Variants in NEB observed in about 807,000 individuals in gnomAD.
The protein encoded by NEB is nemaline myopathy type 2.
In NEB, 512 loss-of-function variants were observed where a neutral mutation model predicts 952.2. The ratio of observed to expected loss-of-function variants is 0.54; its 90% CI spans 0.50 to 0.58. The LOEUF is 0.58. Ranked by LOEUF, NEB falls within the 20% of genes least tolerant of loss-of-function variation. NEB has a pLI of 0.00. For missense variants in NEB, 8,428 were observed against 9,231.1 expected, an observed-to-expected ratio of 0.91 and a Z score of 3.56; for synonymous variants, 2,900 against 3,149.8, an observed-to-expected ratio of 0.92 and a Z score of 2.66.
At chr2:151,609,413 A>G (rs1179995145) in intron 81 of NEB, among the ~76,000 whole-genome samples, 1 of 152,080 alleles carries the variant, frequency 6.6e-6, no homozygotes, top group African/African-American at 2.4e-5. Flanking sequence ...AATAATATAT[A>G]TAGTAATAAA....
At chr2:151,498,173 A>G (rs2061619297) in intron 170 of NEB, 87 bp downstream of exon 170, 2 of 1,544,232 alleles carry the variant, frequency 1.3e-6, no homozygotes, top group Middle Eastern at 2.0e-4. Context: ...AAGAAGGGAA[A>G]TGGGCTTCAA....
chr2:151,536,064 T>G (rs190169784), intron 141 of NEB, among the ~76,000 whole-genome samples: 1 of 152,260 alleles, frequency 6.6e-6, no homozygotes, highest in Admixed American at 6.5e-5. Flanking sequence ...TACACCACCA[T>G]GCCTGGCTAA....
chr2:151,653,999 G>A lies in NEB; in HGVS notation c.6908C>T (p.Ala2303Val). Reference protein sequence around the residue: ...VQLAKASRDIASDYKYKQGYR... With the variant: ...VQLAKASRDIVSDYKYKQGYR... Reference sequence around the variant, plus strand: ...ACTCAAACTAGTACTCACATCACTAGCAATGTCTCTTGAAGCTTTAGCTAG... The same window carrying A: ...ACTCAAACTAGTACTCACATCACTAACAATGTCTCTTGAAGCTTTAGCTAG... Residue 2303 changes from alanine (A) to valine (V), a missense_variant, in exon 52 of 182, where the codon GCT becomes GTT. Physicochemically the swap from Ala to Val is moderately conservative, Grantham distance 64. This residue lies in a region of NEB where 2,851 missense variants were observed against 2,791.5 expected (regional missense o/e 1.02). Coordinates refer to ENST00000397345, the MANE Select transcript of NEB (RefSeq NM_001164508.2). 1 of 1,608,742 alleles carries A rather than the reference G, an allele frequency of 6.2e-7. No homozygotes were observed. The highest frequency in any genetic ancestry group is 8.5e-7 in the Non-Finnish European group (1 of 1,175,628).
At position 151,619,740 on chromosome 2, in the gene NEB, C is replaced by T. The variant is rs199584268; in HGVS notation, c.10583G>A (p.Arg3528His). ...ASDYKYKEAYRKQLGHHIGAR... is the reference protein window; with the variant it reads ...ASDYKYKEAYHKQLGHHIGAR... ...GCCAATGTGGTGACCCAACTGTTTA[C>T]GATATGCTTCTTTGTATTTGTACTG... The change falls in exon 73 of 182, where the codon CGT (arginine) becomes CAT (histidine). Residue 3528 changes from arginine to histidine, a missense_variant. Physicochemically the swap from Arg to His is conservative, Grantham distance 29 (BLOSUM62 0). Coordinates refer to ENST00000397345, the MANE Select transcript of NEB (RefSeq NM_001164508.2). The T allele has an allele frequency of 8.4e-5, 136 of 1,611,290 alleles. No individual in the cohort carries two copies. The highest frequency in any genetic ancestry group is 6.6e-4 in the Middle Eastern group (4 of 6,052).
chr2:151,663,669 G>T lies in NEB; in HGVS notation c.5642C>A (p.Ala1881Asp), dbSNP rs527283653. The change falls in exon 45 of 182, where the codon GCC (alanine) becomes GAC (aspartate). Residue 1881 changes from alanine to aspartate, a missense_variant. By Grantham distance (126) the Ala-to-Asp change is moderately radical. Coordinates refer to ENST00000397345, the MANE Select transcript of NEB (RefSeq NM_001164508.2). ...GGTGGCCACTTCCTGAGACTTCTTG[G>T]CTGCCACCACACTGAGCATGTCCAC... is the stretch of plus-strand genomic sequence containing the variant. ...TPVDMLSVVA[A>D]KKSQEVATNA... 1 of 1,613,726 alleles carries T rather than the reference G, an allele frequency of 6.2e-7. No individual in the cohort carries two copies. Among genetic ancestry groups the T allele is most frequent in the South Asian group, 1.1e-5 (1 of 91,080 alleles).
chr2:151,520,512 T>C (rs1334758291), intron 153 of NEB, among the ~76,000 whole-genome samples: 1 of 152,226 alleles, frequency 6.6e-6, no homozygotes, highest in Non-Finnish European at 1.5e-5. Flanking sequence ...AGTTGCTCAA[T>C]AAATGTGATT....
chr2:151,694,353 G>A lies in NEB; in HGVS notation c.1866C>T (p.His622=), dbSNP rs763898579. 1.9e-6 allele frequency: 3 copies of A among 1,613,892 alleles called. No homozygotes were observed. Among genetic ancestry groups the A allele is most frequent in the Non-Finnish European group, 2.5e-6 (3 of 1,179,886 alleles). ...TCTGGTTTTTGGCCACCTTCAAGGA[G>A]TGCAGCATCTTGGGATCGTCATTAA... is the stretch of plus-strand genomic sequence containing the variant. ...LSINDDPKML[H]SLKVAKNQSD... Residue 622 remains histidine (H), a synonymous_variant, in exon 20 of 182, where the codon CAC becomes CAT. Coordinates refer to ENST00000397345, the MANE Select transcript of NEB (RefSeq NM_001164508.2).
chr2:151,629,542 A>T lies in NEB; in HGVS notation c.9828T>A (p.Ser3276Arg). The T allele has an allele frequency of 6.2e-7, 1 of 1,610,410 alleles. No individual in the cohort carries two copies. The highest frequency in any genetic ancestry group is 8.5e-7 in the Non-Finnish European group (1 of 1,176,714). ...VAAKASRDVI[S>R]DYKYKDGYRK... ...TATCTAGGGTGTTGCTACTCACATC[A>T]CTGATAACGTCCCTGGAGGCCTTGG... The change falls in exon 68 of 182, where the codon AGT becomes AGA. Residue 3276 changes from serine (S) to arginine (R), a missense_variant. Ser to Arg is a moderately radical substitution (Grantham distance 110). Transcript: ENST00000397345.
intron 130 of NEB, 57 bp from the exon 131 acceptor site, chr2:151,548,472 A>G (rs2094971233): frequency 8.6e-7 from 1 of 1,160,352 alleles, no homozygotes; most frequent in Non-Finnish European, 1.3e-6. Context: ...CCAACATTAC[A>G]TTTCTCCAAA....
chr2:151,709,568 T>C lies in NEB; in HGVS notation c.1035+88A>G. On this transcript the variant is annotated intron_variant, in intron 12 of 181. Transcript: ENST00000397345. ...GTTCCCCCAAGAACCACTCCTCCCC[T>C]TTTTTACTAATTATATACAAGAGCC... 9 of 1,025,930 alleles carry C rather than the reference T, an allele frequency of 8.8e-6. No homozygotes were observed. In the South Asian group the frequency reaches 1.2e-4, roughly 14 times the overall value. The allele number at this position is 1,025,930 out of a possible 1,614,324, so 63.6% of individuals were successfully genotyped here.
rs368719373 is a variant in NEB, at chr2:151,627,080, C to T, written c.10269G>A (p.Pro3423=). 1.9e-4 allele frequency: 314 copies of T among 1,613,870 alleles called. No homozygotes were observed. The African/African-American group carries it at 3.5e-3, about 18-fold the overall frequency. The change falls in exon 70 of 182, where the codon CCG becomes CCA. Residue 3423 remains proline, a synonymous_variant. Transcript: ENST00000397345. ...TCACACTGGTAAATTTCAGCTTGTC[C>T]GGAGGCTGGCGGTAGATGTTATCAC... The part of the protein sequence containing the change: ...ILSDNIYRQP[P]DKLKFTSVTD...
intron 161 of NEB, among the ~76,000 whole-genome samples, chr2:151,510,241 G>T (rs1331945176): frequency 6.6e-6 from 1 of 151,994 alleles, no homozygotes. Flanking sequence ...GGCCTGGGGA[G>T]TTTTTTTTAG....
intron 10 of NEB, chr2:151,716,103 C>A: frequency 4.7e-6 from 2 of 423,720 alleles, no homozygotes; most frequent in South Asian, 1.8e-5. Flanking sequence ...CTTCTCCCGT[C>A]TTATTTACAA....
intron 80 of NEB, 72 bp downstream of exon 80, chr2:151,610,444 G>T: frequency 8.8e-7 from 1 of 1,136,070 alleles, no homozygotes; most frequent in Non-Finnish European, 1.3e-6. Context: ...TATAGAGTGT[G>T]TGGTTCACCA....
Position 151,513,702 on chromosome 2 carries a change from G to T in NEB, c.23128-9C>A, listed in dbSNP as rs2153276601. On this transcript the variant is annotated splice_polypyrimidine_tract_variant and intron_variant, in intron 159 of 181. Coordinates refer to ENST00000397345, the MANE Select transcript of NEB (RefSeq NM_001164508.2). ...TCTCGCTTATATTCTTTCTATAGTA[G>T]CATTAAAAGAAAAAAAAAAGGTACC... 1 of 1,551,946 alleles carries T rather than the reference G, an allele frequency of 6.4e-7. No homozygotes were observed. The highest frequency in any genetic ancestry group is 8.8e-7 in the Non-Finnish European group (1 of 1,138,002).
At chr2:151,660,731 C>T (rs141892461) in intron 46 of NEB, among the ~76,000 whole-genome samples, 10 of 152,166 alleles carry the variant, frequency 6.6e-5, no homozygotes, top group Non-Finnish European at 1.0e-4. Flanking sequence ...AGAGACCACA[C>T]GCCAACAAAC....
At chr2:151,609,202 A>G (rs1579100377) in intron 81 of NEB, among the ~76,000 whole-genome samples, 1 of 151,156 alleles carries the variant, frequency 6.6e-6, no homozygotes, top group Non-Finnish European at 1.5e-5. Context: ...TCAAAATAAA[A>G]GAAAAAAAAA....
In NEB at chr2:151,567,358, T is replaced by C. The variant is rs766789643; in HGVS notation, c.17966A>G (p.Tyr5989Cys). 1 of 1,613,934 alleles carries C rather than the reference T, an allele frequency of 6.2e-7. No individual in the cohort carries two copies. Residue 5989 changes from tyrosine to cysteine, a missense_variant, in exon 114 of 182, where the codon TAC (tyrosine) becomes TGC (cysteine). By Grantham distance (194) the Tyr-to-Cys change is radical (BLOSUM62 -2). This residue lies in a region of NEB where 3,374 missense variants were observed against 3,651.5 expected (regional missense o/e 0.92). Coordinates refer to ENST00000397345, the MANE Select transcript of NEB (RefSeq NM_001164508.2). ...CTTTGTTTTGTGATAGTCCTCTTTG[T>C]ATAGTCTCTCATTCTGAATCTGGCC... ...HAGQIQNERLYKEDYHKTKAK... is the reference protein window; with the variant it reads ...HAGQIQNERLCKEDYHKTKAK...
chr2:151,625,394 T>C (rs1393006122), intron 71 of NEB, 140 bp downstream of exon 71: 19 of 485,762 alleles, frequency 3.9e-5, no homozygotes, highest in Non-Finnish European at 6.8e-5. Context: ...CAATAATATG[T>C]ATATTCAAGG....
Sources: allele counts gnomAD v4.1 joint callset (sites outside exome capture counted in the v4.1 genomes callset), GRCh38; gene constraint gnomAD v4.1.1; regional missense constraint gnomAD v4.1.1; transcripts MANE v1.5; gene names NCBI Gene and HGNC (gene_info 2026-07-23, HGNC 2026-07-21).